BRD8: variants seen among roughly 807,000 people sequenced by gnomAD.
BRD8 encodes the protein bromodomain-containing protein 8.
A neutral mutation model predicts 143.1 loss-of-function variants in BRD8; 67 were observed. That is an observed-to-expected ratio of 0.47 (90% CI 0.38 to 0.57). The LOEUF is 0.57. Among genes scored for constraint, BRD8 ranks in the 20% least tolerant of loss-of-function variants. The pLI is 0.00. For missense variants in BRD8, 1,103 were observed against 1,503.0 expected (o/e 0.73, Z 4.40); for synonymous variants, 505 against 517.1 (o/e 0.98, Z 0.32).
At chr5:138,148,184 AAAAG>A (rs1467738945) in intron 23 of BRD8, among the ~76,000 whole-genome samples, 12 of 151,640 alleles carry the variant, frequency 7.9e-5, no homozygotes, top group Admixed American at 5.9e-4. Flanking sequence ...AAAGAAAAAA[AAAAG>A]GGAAAAAAAA....
At chr5:138,143,756 ACT>A (rs1478696740) in intron 25 of BRD8, among the ~76,000 whole-genome samples, 1 of 152,140 alleles carries the variant, frequency 6.6e-6, no homozygotes, top group Non-Finnish European at 1.5e-5. Flanking sequence ...ACCAATCAGC[ACT>A]CTGTAAAAAC....
chr5:138,161,947 AAGAAC>A, intron 16 of BRD8, 83 bp from the exon 17 acceptor site: 1 of 1,564,210 alleles, frequency 6.4e-7, no homozygotes, highest in South Asian at 1.1e-5. Context: ...TAAAGGTAGT[AAGAAC>A]TAATACCAGC....
At chr5:138,165,227 T>G in intron 11 of BRD8, 61 bp from the exon 12 acceptor site, 1 of 1,529,614 alleles carries the variant, frequency 6.5e-7, no homozygotes. Context: ...CTTCAATTTT[T>G]GTTAGCACCA....
In BRD8 at chr5:138,145,852, A is replaced by T. The variant is rs1396945412; in HGVS notation, c.3305T>A (p.Val1102Asp). 7 of 1,613,876 alleles carry T rather than the reference A, an allele frequency of 4.3e-6. No homozygotes were observed. In the South Asian group the frequency reaches 7.7e-5, roughly 18 times the overall value. ...KLTDLSQDDPVQDHLLFKKTL... is the reference protein window; with the variant it reads ...KLTDLSQDDPDQDHLLFKKTL... ...CTTCTTAAATAGCAAATGATCCTGA[A>T]CAGGGTCATCCTGGCTTAGATCAGT... Residue 1102 changes from valine to aspartate, a missense_variant, in exon 24 of 27, where the codon GTT (valine) becomes GAT (aspartate). Physicochemically the swap from Val to Asp is radical, Grantham distance 152. Transcript: ENST00000254900.
intron 20 of BRD8, chr5:138,156,945 A>T: frequency 3.2e-6 from 4 of 1,262,008 alleles, no homozygotes; most frequent in Non-Finnish European, 4.0e-6. Context: ...TTTTTTTAAA[A>T]AGTCTGTACA....
Position 138,170,259 on chromosome 5 carries a change from A to C in BRD8, c.505+86T>G. ...ACTGCAAGTAAATTTAAATCAATGT[A>C]TTCTATGTTACAAAACAGTCCAACT... On this transcript the variant is annotated intron_variant, in intron 7 of 26. Coordinates refer to ENST00000254900, the MANE Select transcript of BRD8 (RefSeq NM_139199.2). 3 of 949,312 alleles carry C rather than the reference A, an allele frequency of 3.2e-6. No individual in the cohort carries two copies. The South Asian group carries it at 4.0e-5, about 13-fold the overall frequency. 58.8% of individuals were successfully genotyped at this position (949,312 alleles called of 1,614,324 possible). A position where few individuals can be genotyped will look rare whatever the true frequency, so the allele number is the denominator to read the frequency against.
intron 20 of BRD8, chr5:138,156,776 A>G (rs969292989): frequency 2.9e-5 from 27 of 930,896 alleles, no homozygotes; most frequent in Non-Finnish European, 3.3e-5. Flanking sequence ...CCCTGTAACA[A>G]TCTCATTCCT....
rs1405648371 is a variant in BRD8 at position 138,150,758 on chromosome 5, G to A, written c.3107C>T (p.Thr1036Ile). 7.5e-6 allele frequency: 12 copies of A among 1,609,342 alleles called. No individual in the cohort carries two copies. Among genetic ancestry groups the A allele is most frequent in the Non-Finnish European group, 1.0e-5 (12 of 1,178,730 alleles). ...SVICTVQGLL[T>I]ESEEGEAQQE... Reference sequence around the variant, plus strand: ...TTACTTTCTTACCTCTTCACTCTCTGTGAGTAGTCCCTGAACTGTACAAAT... The same window carrying A: ...TTACTTTCTTACCTCTTCACTCTCTATGAGTAGTCCCTGAACTGTACAAAT... Residue 1036 changes from threonine to isoleucine, a missense_variant, in exon 22 of 27, where the codon ACA becomes ATA. Physicochemically the swap from Thr to Ile is moderately conservative, Grantham distance 89. Around this residue, in one of 7 missense-constraint regions of BRD8, gnomAD observed 369 missense variants for 445.5 expected, o/e 0.83. Transcript: ENST00000254900.
At chr5:138,165,672 G>A (rs1753345894) in intron 11 of BRD8, among the ~76,000 whole-genome samples, 156 bp downstream of exon 11, 2 of 148,504 alleles carry the variant, frequency 1.3e-5, no homozygotes. Flanking sequence ...GTAACAGTAA[G>A]CCAAGATCGT....
chr5:138,142,366 G>A (rs1474491420), intron 25 of BRD8, among the ~76,000 whole-genome samples: 1 of 152,118 alleles, frequency 6.6e-6, no homozygotes, highest in Non-Finnish European at 1.5e-5. Context: ...GTGGTATTGT[G>A]CTATAGCAGC....
chr5:138,169,959 G>A (rs141025011), intron 7 of BRD8, among the ~76,000 whole-genome samples: 18 of 152,282 alleles, frequency 1.2e-4, no homozygotes, highest in African/African-American at 3.8e-4. Flanking sequence ...AACTCCGCCT[G>A]GGGGAAAAAC....
Position 138,166,784 on chromosome 5 carries a change from C to T in BRD8, c.788-57G>A, listed in dbSNP as rs1316104533. On this transcript the variant is annotated intron_variant, in intron 9 of 26. Transcript: ENST00000254900. ...AAGAAGAAAGCACATAAATAAGAAGCAATAGCTACTTGAAGACTCAACTAA... is the reference window on the plus strand; with the variant it reads ...AAGAAGAAAGCACATAAATAAGAAGTAATAGCTACTTGAAGACTCAACTAA... 8.5e-6 allele frequency: 9 copies of T among 1,057,132 alleles called. No homozygotes were observed. The African/African-American group carries it at 1.1e-4, about 13-fold the overall frequency. The allele number at this position is 1,057,132 out of a possible 1,614,324, so 65.5% of individuals were successfully genotyped here.
intron 20 of BRD8, among the ~76,000 whole-genome samples, chr5:138,158,673 C>A (rs1007993773): frequency 3.3e-5 from 5 of 151,390 alleles, no homozygotes; most frequent in Non-Finnish European, 7.4e-5. Context: ...GAACTCCCGA[C>A]CTCAGGTGAT....
chr5:138,142,359 G>A (rs1192036105), intron 25 of BRD8, among the ~76,000 whole-genome samples: 2 of 152,138 alleles, frequency 1.3e-5, no homozygotes. Flanking sequence ...CCAGCCTGTG[G>A]TATTGTGCTA....
At chr5:138,166,828 A>C (rs1753465048) in intron 9 of BRD8, 101 bp from the exon 10 acceptor site, 1 of 733,242 alleles carries the variant, frequency 1.4e-6, no homozygotes. Flanking sequence ...TTATGGTCTC[A>C]AAGGATGAGA....
chr5:138,148,167 A>G (rs890742393), intron 23 of BRD8, among the ~76,000 whole-genome samples: 3 of 150,254 alleles, frequency 2.0e-5, no homozygotes, highest in East Asian at 1.9e-4. Context: ...TGGAAAAAAA[A>G]AAAAAAAAAG....
In BRD8 at chr5:138,169,202, A is replaced by T; in HGVS notation, c.642+20T>A. 2 of 1,610,364 alleles carry T rather than the reference A, an allele frequency of 1.2e-6. No individual in the cohort carries two copies. Among genetic ancestry groups the T allele is most frequent in the Non-Finnish European group, 1.7e-6 (2 of 1,179,024 alleles). On this transcript the variant is annotated intron_variant, in intron 8 of 26. Coordinates refer to ENST00000254900, the MANE Select transcript of BRD8 (RefSeq NM_139199.2). Reference sequence around the variant, plus strand: ...ATTGCCCCTTCACTGATCAATTCCCACAGATGGAAATATACTCACCCCAGA... The same window carrying T: ...ATTGCCCCTTCACTGATCAATTCCCTCAGATGGAAATATACTCACCCCAGA...
Position 138,149,789 on chromosome 5 carries a change from A to G in BRD8, c.3129T>C (p.Ala1043=). Residue 1043 remains alanine (A), a synonymous_variant, in exon 23 of 27, where the codon GCT becomes GCC. Coordinates refer to ENST00000254900, the MANE Select transcript of BRD8 (RefSeq NM_139199.2). ...GGTCCTCCCCTTTGGATTCTTGCTG[A>G]GCCTCCCCCTAGGAATGCCAGGAAA... ...GLLTESEEGE[A]QQESKGEDQG... The G allele has an allele frequency of 6.2e-7, 1 of 1,600,742 alleles. No homozygotes were observed. The highest frequency in any genetic ancestry group is 8.5e-7 in the Non-Finnish European group (1 of 1,176,284).
At chr5:138,145,973 C>A in intron 23 of BRD8, 95 bp from the exon 24 acceptor site, 1 of 888,024 alleles carries the variant, frequency 1.1e-6, no homozygotes, top group South Asian at 1.5e-5. Context: ...AAGACATGCT[C>A]CTAATTAATA....
Sources: allele counts gnomAD v4.1 joint callset (sites outside exome capture counted in the v4.1 genomes callset), GRCh38; gene constraint gnomAD v4.1.1; regional missense constraint gnomAD v4.1.1; transcripts MANE v1.5; gene names NCBI Gene and HGNC (gene_info 2026-07-23, HGNC 2026-07-21).